The following SASH3 variants were observed in gnomAD, a reference collection of about 807,000 sequenced individuals.
SASH3 encodes the protein SAM and SH3 domain containing 3.
A neutral mutation model predicts 26.1 loss-of-function variants in SASH3; 7 were observed. The ratio of observed to expected loss-of-function variants is 0.27; its 90% CI spans 0.15 to 0.50. The LOEUF (loss-of-function observed/expected upper bound fraction) is 0.50, where lower values mean the gene tolerates loss of function less well. SASH3 is among the 20% of genes least tolerant of loss of function. The pLI is 0.98. For missense variants in SASH3, 231 were observed against 318.3 expected (o/e 0.73, Z 2.09); for synonymous variants, 138 against 136.8 (o/e 1.01, Z -0.06).
rs768228357 is a variant in SASH3, at chrX:129,793,919, A to G, written c.*87A>G. 35 of 907,897 alleles carry G rather than the reference A, an allele frequency of 3.9e-5. No individual in the cohort carries two copies. Among genetic ancestry groups the G allele is most frequent in the Non-Finnish European group, 5.0e-5 (33 of 653,985 alleles). The allele number at this position is 907,897 out of a possible 1,213,427, so 74.8% of individuals were successfully genotyped here. A position where few individuals can be genotyped will look rare whatever the true frequency, so the allele number is the denominator to read the frequency against. ...GCCTCCCGTGGTGGCCCAGGTCCTG[A>G]GGACTGGCACTGAGCCTGGCCCTGC... On this transcript the variant is annotated 3_prime_UTR_variant, in exon 8 of 8. Transcript: ENST00000356892.
In SASH3 at chrX:129,793,712, C is replaced by G. The variant is rs368691609; in HGVS notation, c.1023C>G (p.Pro341=). ...QEPVAHTVSE[P]KVDIPRDSGC... is the part of the protein sequence containing the mutation. ...CAGTGGCACACACAGTGTCGGAACC[C>G]AAGGTGGACATCCCGCGCGACTCAG... Residue 341 remains proline, a synonymous_variant, in exon 8 of 8, where the codon CCC becomes CCG. Coordinates refer to ENST00000356892, the MANE Select transcript of SASH3 (RefSeq NM_018990.4). 6.6e-6 allele frequency: 8 copies of G among 1,212,147 alleles called. No individual in the cohort carries two copies. Among genetic ancestry groups the G allele is most frequent in the Non-Finnish European group, 7.8e-6 (7 of 895,492 alleles).
Position 129,792,735 on chromosome X carries a change from G to A in SASH3, c.700G>A (p.Glu234Lys), listed in dbSNP as rs1927253923. Residue 234 changes from glutamate (E) to lysine (K), a missense_variant, in exon 6 of 8, where the codon GAG becomes AAG. Physicochemically the swap from Glu to Lys is moderately conservative, Grantham distance 56 (BLOSUM62 1). Transcript: ENST00000356892. ...ATTCATCTATGTGGATGTGCTGCCC[G>A]AGGAGGCCGTGGGGCATGCCCGCCC... Reference protein sequence around the residue: ...FKFIYVDVLPEEAVGHARPSR... With the variant: ...FKFIYVDVLPKEAVGHARPSR... 4.1e-6 allele frequency: 5 copies of A among 1,209,038 alleles called. No homozygotes were observed. The highest frequency in any genetic ancestry group is 5.6e-6 in the Non-Finnish European group (5 of 895,138).
At chrX:129,791,132 G>T in intron 4 of SASH3, 51 bp downstream of exon 4, 2 of 1,159,167 alleles carry the variant, frequency 1.7e-6, no homozygotes, top group Non-Finnish European at 2.3e-6. Flanking sequence ...AAAGGACTGG[G>T]TTACAGCCGT....
intron 3 of SASH3, among the ~76,000 whole-genome samples, chrX:129,788,778 C>A (rs1320686660): frequency 9.0e-6 from 1 of 110,780 alleles, no homozygotes; most frequent in African/African-American, 3.3e-5. Context: ...AGGAGGCTGG[C>A]GGGGGAAGGG....
intron 1 of SASH3, among the ~76,000 whole-genome samples, chrX:129,781,620 CA>C (rs1250699923): frequency 1.4e-4 from 16 of 112,608 alleles, no homozygotes; most frequent in Admixed American, 5.6e-4. Flanking sequence ...GACACTTTGA[CA>C]CTGGGACCCT....
Position 129,792,369 on chromosome X carries a change from G to A in SASH3, c.484G>A (p.Gly162Arg), listed in dbSNP as rs776424343. 5.0e-5 allele frequency: 60 copies of A among 1,209,149 alleles called. No individual in the cohort carries two copies. In the African/African-American group the frequency reaches 6.8e-4, roughly 14 times the overall value. Reference sequence around the variant, plus strand: ...CCCCAGCCCAGGTTCTGGCAGCTTCGGGGAGGAACCACCTGCCCCCCAGTA... The same window carrying A: ...CCCCAGCCCAGGTTCTGGCAGCTTCAGGGAGGAACCACCTGCCCCCCAGTA... Reference protein sequence around the residue: ...CSPSPGSGSFGEEPPAPQYTG... With the variant: ...CSPSPGSGSFREEPPAPQYTG... The change falls in exon 5 of 8, where the codon GGG becomes AGG. Residue 162 changes from glycine (G) to arginine (R), a missense_variant. Physicochemically the swap from Gly to Arg is moderately radical, Grantham distance 125. Coordinates refer to ENST00000356892, the MANE Select transcript of SASH3 (RefSeq NM_018990.4).
chrX:129,794,121 G>C lies in SASH3; in HGVS notation c.*289G>C. On this transcript the variant is annotated 3_prime_UTR_variant, in exon 8 of 8. Coordinates refer to ENST00000356892, the MANE Select transcript of SASH3 (RefSeq NM_018990.4). ...CCAACTGCTCCCCTGCCATGGCCAC[G>C]GCCACAGCAAGTGGGGCACTGGGAA... 2.9e-6 allele frequency: 1 copy of C among 345,332 alleles called. No homozygotes were observed. The highest frequency in any genetic ancestry group is 5.1e-6 in the Non-Finnish European group (1 of 195,421). 28.5% of individuals were successfully genotyped at this position (345,332 alleles called of 1,213,427 possible).
Position 129,793,638 on chromosome X carries a change from G to C in SASH3, c.953-4G>C, listed in dbSNP as rs1016221020. ...ATTCTGTCTCCCTCTCTCGTCCCTG[G>C]CAGCTGGCAGTGAGGAGGCTGAAGA... On this transcript the variant is annotated splice_region_variant and splice_polypyrimidine_tract_variant and intron_variant, in intron 7 of 7. Transcript: ENST00000356892. 1 of 1,209,765 alleles carries C rather than the reference G, an allele frequency of 8.3e-7. No homozygotes were observed. The highest frequency in any genetic ancestry group is 1.7e-5 in the African/African-American group (1 of 57,946).
Position 129,795,155 on chromosome X carries a change from G to C in SASH3, c.*1323G>C, listed in dbSNP as rs763375066. 9.8e-5 allele frequency: 11 copies of C among 111,767 alleles called. No individual in the cohort carries two copies. Among genetic ancestry groups the C allele is most frequent in the African/African-American group, 1.6e-4 (5 of 30,643 alleles). The allele number at this position is 111,767 out of a possible 1,213,427, so 9.2% of individuals were successfully genotyped here. ...GAAGGGGTTGGGTGTAAATATGAGA[G>C]GGTGGAGGGAGACCAGCTGGTAGCA... is the stretch of plus-strand genomic sequence containing the variant. On this transcript the variant is annotated 3_prime_UTR_variant, in exon 8 of 8. Coordinates refer to ENST00000356892, the MANE Select transcript of SASH3 (RefSeq NM_018990.4).
chrX:129,792,511 C>A (rs781555230), intron 5 of SASH3, 35 bp downstream of exon 5: 1 of 1,210,174 alleles, frequency 8.3e-7, no homozygotes. Flanking sequence ...TGGAGCCTGG[C>A]AGGCTGTGCC....
intron 1 of SASH3, 142 bp from the exon 2 acceptor site, chrX:129,787,833 G>A (rs1158186859): frequency 8.3e-6 from 4 of 480,013 alleles, no homozygotes; most frequent in East Asian, 3.6e-5. Flanking sequence ...ATCGAGGTGC[G>A]TCACCCATTA....
chrX:129,787,092 A>C (rs936052525), intron 1 of SASH3, among the ~76,000 whole-genome samples: 3 of 111,299 alleles, frequency 2.7e-5, no homozygotes, highest in African/African-American at 9.8e-5. Context: ...ACCTGAGGTC[A>C]GGAGTTCGAG....
intron 1 of SASH3, among the ~76,000 whole-genome samples, chrX:129,786,370 G>A (rs1927106410): frequency 8.9e-6 from 1 of 112,119 alleles, no homozygotes; most frequent in South Asian, 3.7e-4. Flanking sequence ...ATTTGTGTGT[G>A]TGTTGGTGGG....
At chrX:129,789,109 A>AAAAGAAAGGAAGAAAGAAAG (rs1927167121) in intron 3 of SASH3, among the ~76,000 whole-genome samples, 4 of 39,468 alleles carry the variant, frequency 1.0e-4, no homozygotes, top group Non-Finnish European at 1.6e-4. Flanking sequence ...CTCAAAAAAA[A>AAAAGAAAGGAAGAAAGAAAG]AAAGAAAGAA....
chrX:129,793,821 G>A lies in SASH3; in HGVS notation c.1132G>A (p.Gly378Arg), dbSNP rs1426031174. The A allele has an allele frequency of 1.2e-5, 14 of 1,182,807 alleles. No homozygotes were observed. The East Asian group carries it at 1.2e-4, about 10-fold the overall frequency. ...EEQLQGLSLAGAP is the reference protein window; with the variant it reads ...EEQLQGLSLARAP ...GCAGCTGCAAGGCCTCTCCCTGGCC[G>A]GGGCACCTTGAGGTGGCGGTGGCAA... Residue 378 changes from glycine (G) to arginine (R), a missense_variant, in exon 8 of 8, where the codon GGG becomes AGG. Transcript: ENST00000356892.
At chrX:129,783,632 G>C (rs190875804) in intron 1 of SASH3, among the ~76,000 whole-genome samples, 1 of 112,107 alleles carries the variant, frequency 8.9e-6, no homozygotes, top group Non-Finnish European at 1.9e-5. Context: ...GATGAGGCTG[G>C]AGTGAGCTGG....
rs1213608301 is a variant in SASH3 at position 129,793,880 on chromosome X, T to C, written c.*48T>C. On this transcript the variant is annotated 3_prime_UTR_variant, in exon 8 of 8. Coordinates refer to ENST00000356892, the MANE Select transcript of SASH3 (RefSeq NM_018990.4). ...GGCTGGGACCCAGCTGCAAAGGCTG[T>C]AGGAGTGGGCCCAGCCTCCCGTGGT... The C allele has an allele frequency of 3.7e-6, 4 of 1,093,232 alleles. No individual in the cohort carries two copies. The East Asian group carries it at 9.9e-5, about 27-fold the overall frequency. 90.1% of individuals were successfully genotyped at this position (1,093,232 alleles called of 1,213,427 possible).
At chrX:129,786,567 G>A (rs1378622004) in intron 1 of SASH3, among the ~76,000 whole-genome samples, 1 of 112,004 alleles carries the variant, frequency 8.9e-6, no homozygotes. Context: ...CCTGGTTCCT[G>A]TGTGTATCTT....
intron 2 of SASH3, 67 bp downstream of exon 2, chrX:129,788,137 G>GGGGGGGTGGGGGGC: frequency 2.8e-6 from 1 of 354,277 alleles, no homozygotes; most frequent in Non-Finnish European, 5.4e-6. Flanking sequence ...GGGTGGGAGG[G>GGGGGGGTGGGGGGC]AAGAGGGTGA....
Sources: gnomAD v4.1 joint callset for allele counts (sites outside exome capture counted in the v4.1 genomes callset) on GRCh38, gnomAD v4.1.1 for gene constraint, MANE v1.5 for transcripts, NCBI Gene and HGNC (gene_info 2026-07-23, HGNC 2026-07-21) for gene names.